CIB1: variants seen among roughly 807,000 people sequenced by gnomAD.
CIB1 encodes the protein calcium and integrin-binding protein 1.
In CIB1, 19 loss-of-function variants were observed where a neutral mutation model predicts 25.0. That is an observed-to-expected ratio of 0.76 (90% CI 0.53 to 1.12). The LOEUF (loss-of-function observed/expected upper bound fraction) is 1.12, where lower values mean the gene tolerates loss of function less well. Among genes scored for constraint, CIB1 ranks in the 50% most tolerant of loss-of-function variants. CIB1 has a pLI of 0.00. For missense variants in CIB1, 236 were observed against 242.6 expected (o/e 0.97, Z 0.18); for synonymous variants, 104 against 98.5 (o/e 1.06, Z -0.33).
At chr15:90,258,036 A>G in the CIB1 span, 21 of 1,613,622 alleles carry the variant, frequency 1.3e-5, no homozygotes, top group Admixed American at 1.7e-5. Context: ...TGGGCCTCGC[A>G]GGAAGCTGTC....
the CIB1 span, chr15:90,253,250 G>A: frequency 1.4e-5 from 23 of 1,613,476 alleles, no homozygotes; most frequent in South Asian, 2.5e-4. Context: ...TCTCTGCAGT[G>A]CGTCGGGCAG....
chr15:90,231,148 C>T lies in CIB1; in HGVS notation c.412G>A (p.Glu138Lys). 3.1e-6 allele frequency: 5 copies of T among 1,614,224 alleles called. No homozygotes were observed. The highest frequency in any genetic ancestry group is 3.4e-6 in the Non-Finnish European group (4 of 1,180,044). The part of the protein sequence containing the change: ...LSRLVNCLTG[E>K]GEDTRLSASE... ...GCACTAAGCCGTGTGTCCTCGCCCT[C>T]TCCCGTGAGGCAGTTCACCAGCCGG... The change falls in exon 5 of 7, where the codon GAG becomes AAG. Residue 138 changes from glutamate to lysine, a missense_variant. By Grantham distance (56) the Glu-to-Lys change is moderately conservative. Coordinates refer to ENST00000328649, the MANE Select transcript of CIB1 (RefSeq NM_006384.4).
At chr15:90,260,210 T>C in the CIB1 span, among the ~76,000 whole-genome samples, 4 of 152,136 alleles carry the variant, frequency 2.6e-5, no homozygotes, top group Non-Finnish European at 5.9e-5. Context: ...TTAAAAATAT[T>C]GTTGTGGCCA....
At chr15:90,238,688 T>TA (rs1460467538), upstream of CIB1, 1 of 152,222 alleles carries the variant, frequency 6.6e-6, no homozygotes, top group Non-Finnish European at 1.5e-5. Context: ...CCTGGACACT[T>TA]ACCCACACAT....
upstream of CIB1, among the ~76,000 whole-genome samples, chr15:90,235,042 G>A (rs970720280): frequency 6.6e-6 from 1 of 152,018 alleles, no homozygotes; most frequent in Admixed American, 6.6e-5. Context: ...CCATTAAATG[G>A]TTAAAAACCC....
the CIB1 span, chr15:90,265,503 G>T: frequency 7.1e-7 from 1 of 1,403,694 alleles, no homozygotes; most frequent in Admixed American, 3.2e-5. Flanking sequence ...CCTCATTTCG[G>T]CCCTCACGTT....
the CIB1 span, among the ~76,000 whole-genome samples, chr15:90,248,175 G>A: frequency 6.6e-6 from 1 of 152,066 alleles, no homozygotes; most frequent in African/African-American, 2.4e-5. Context: ...CTAGTAGCTG[G>A]GACTACAGGG....
chr15:90,241,308 G>A, the CIB1 span: 1 of 1,614,084 alleles, frequency 6.2e-7, no homozygotes, highest in Non-Finnish European at 8.5e-7. Context: ...GCCCGGAGAA[G>A]TCCTCTTCCG....
chr15:90,262,061 G>C, the CIB1 span: 1 of 1,535,982 alleles, frequency 6.5e-7, no homozygotes, highest in African/African-American at 1.4e-5. Context: ...ACGATATGAG[G>C]ATTCTCACCT....
the CIB1 span, chr15:90,244,434 G>A: frequency 6.6e-6 from 1 of 152,180 alleles, no homozygotes; most frequent in East Asian, 1.9e-4. Flanking sequence ...ACTGGTTCCA[G>A]AGGAACTAGT....
chr15:90,250,933 A>G, the CIB1 span: 4 of 1,589,380 alleles, frequency 2.5e-6, no homozygotes, highest in Non-Finnish European at 3.4e-6. Flanking sequence ...CCAGGGAGTC[A>G]CCCATTGGCC....
upstream of CIB1, chr15:90,234,199 T>G (rs367726232): frequency 3.0e-5 from 9 of 295,350 alleles, no homozygotes; most frequent in South Asian, 1.1e-3. Flanking sequence ...CGCGCGTGCG[T>G]GCTGGCTGCG....
upstream of CIB1, among the ~76,000 whole-genome samples, chr15:90,238,157 G>A (rs1193731104): frequency 6.6e-6 from 1 of 152,068 alleles, no homozygotes; most frequent in Non-Finnish European, 1.5e-5. Context: ...AACATTAGCC[G>A]GGCGTGGTGA....
the CIB1 span, chr15:90,257,942 G>A: frequency 8.8e-5 from 108 of 1,223,130 alleles, no homozygotes; most frequent in Admixed American, 6.4e-4. Context: ...TTCAAAGCCC[G>A]GGCATGCAAT....
At chr15:90,256,143 A>G in the CIB1 span, 126 of 1,614,150 alleles carry the variant, frequency 7.8e-5, 1 homozygote, top group South Asian at 1.3e-3. Context: ...GCACATAGCT[A>G]TGGGGACTTC....
In CIB1 at chr15:90,230,512, A is replaced by G. The variant is rs1450834971; in HGVS notation, c.555-7T>C. The G allele has an allele frequency of 3.2e-6, 5 of 1,551,538 alleles. No individual in the cohort carries two copies. Among genetic ancestry groups the G allele is most frequent in the Non-Finnish European group, 4.4e-6 (5 of 1,146,970 alleles). Reference sequence around the variant, plus strand: ...CAGGACAATCTTAAAGGAGCTGAACAAGAGAAAAGCGGTGGGTTTTCTGCT... The same window carrying G: ...CAGGACAATCTTAAAGGAGCTGAACGAGAGAAAAGCGGTGGGTTTTCTGCT... On this transcript the variant is annotated splice_polypyrimidine_tract_variant and splice_region_variant and intron_variant, in intron 6 of 6. Transcript: ENST00000328649.
upstream of CIB1, among the ~76,000 whole-genome samples, chr15:90,236,577 A>C (rs1285863702): frequency 1.3e-5 from 2 of 152,208 alleles, no homozygotes; most frequent in Non-Finnish European, 2.9e-5. Context: ...CTCTGTCACC[A>C]GGCTGGAGTA....
chr15:90,263,997 A>G, the CIB1 span: 2 of 1,536,010 alleles, frequency 1.3e-6, no homozygotes, highest in African/African-American at 1.4e-5. Context: ...ACTCCTGTTC[A>G]TTGTCAATGA....
At chr15:90,240,977 G>C in the CIB1 span, 1 of 1,614,004 alleles carries the variant, frequency 6.2e-7, no homozygotes, top group Non-Finnish European at 8.5e-7. Flanking sequence ...ACTGGGGCAG[G>C]CAAACCATTC....
Sources: gnomAD v4.1 joint callset for allele counts (sites outside exome capture counted in the v4.1 genomes callset) on GRCh38, gnomAD v4.1.1 for gene constraint, MANE v1.5 for transcripts, NCBI Gene and HGNC (gene_info 2026-07-23, HGNC 2026-07-21) for gene names.